Variants in PDILT observed in about 807,000 individuals in gnomAD.
PDILT encodes protein disulfide-isomerase-like protein of the testis.
In PDILT, 43 loss-of-function variants were observed where a neutral mutation model predicts 53.7. That is an observed-to-expected ratio of 0.80 (90% CI 0.63 to 1.03). PDILT has a LOEUF of 1.03. Among genes scored for constraint, PDILT ranks in the 50% least tolerant of loss-of-function variants. The pLI, the probability that PDILT is intolerant of heterozygous loss-of-function variation, is 0.00. For synonymous variants in PDILT, 282 were observed against 274.2 expected (o/e 1.03, Z -0.28); for missense variants, 727 against 712.3 (o/e 1.02, Z -0.24).
rs772970812 is a variant in PDILT, at chr16:20,361,190, C to CTT, written c.1417-535_1417-534dup. ...TCCATTATCACAAGTTCCCTTTCCTCTTTTTTTTTTTTTTTATATGGAATC... is the reference window on the plus strand; with the variant it reads ...TCCATTATCACAAGTTCCCTTTCCTCTTTTTTTTTTTTTTTTTATATGGAATC... On this transcript the variant is annotated intron_variant, in intron 10 of 11. Coordinates refer to ENST00000302451, the MANE Select transcript of PDILT (RefSeq NM_174924.2). 2.3e-3 allele frequency among the ~76,000 whole-genome samples: 176 copies of CTT among 76,780 alleles called. 4 individuals carry two copies. In the East Asian group the frequency reaches 0.025, roughly 11 times the overall value. 50.4% of individuals were successfully genotyped at this position (76,780 alleles called of 152,430 possible).
chr16:20,378,376 A>C (rs1966416241), intron 3 of PDILT, among the ~76,000 whole-genome samples: 1 of 151,838 alleles, frequency 6.6e-6, no homozygotes, highest in Non-Finnish European at 1.5e-5. Context: ...CCACCACTCT[A>C]ACTACTTCTT....
rs767267331 is a variant in PDILT at position 20,365,439 on chromosome 16, C to A, written c.1218G>T (p.Lys406Asn). 1.2e-6 allele frequency: 2 copies of A among 1,613,948 alleles called. No individual in the cohort carries two copies. The highest frequency in any genetic ancestry group is 2.2e-5 in the East Asian group (1 of 44,874). ...NFNVVVFDKE[K>N]DVFVMFYAPW... ...ACTTACAGAACATCACAAATACGTC[C>A]TTTTCTTTGTCAAAGACGACTACGT... The change falls in exon 9 of 12, where the codon AAG becomes AAT. Residue 406 changes from lysine to asparagine, a missense_variant. Lys to Asn is a moderately conservative substitution (Grantham distance 94). Coordinates refer to ENST00000302451, the MANE Select transcript of PDILT (RefSeq NM_174924.2).
chr16:20,376,292 CCTT>C (rs1966388738), intron 3 of PDILT, 91 bp from the exon 4 acceptor site: 11 of 1,488,874 alleles, frequency 7.4e-6, no homozygotes, highest in Non-Finnish European at 8.2e-6. Context: ...ATGCATAGAA[CCTT>C]CTTGTCTCAG....
intron 1 of PDILT, 45 bp from the exon 2 acceptor site, chr16:20,399,352 G>C (rs1324296242): frequency 6.3e-7 from 1 of 1,588,050 alleles, no homozygotes; most frequent in South Asian, 1.1e-5. Context: ...AACACAGGTG[G>C]TGGAGCCCCA....
rs192834336 is a variant in PDILT at position 20,362,413 on chromosome 16, G to A, written c.1407C>T (p.Gly469=). 6.2e-7 allele frequency: 1 copy of A among 1,614,142 alleles called. No individual in the cohort carries two copies. Among genetic ancestry groups the A allele is most frequent in the Non-Finnish European group, 8.5e-7 (1 of 1,179,994 alleles). The change falls in exon 10 of 12, where the codon GGC becomes GGT. Residue 469 remains glycine, a synonymous_variant. Coordinates refer to ENST00000302451, the MANE Select transcript of PDILT (RefSeq NM_174924.2). ...CCCAAGAGCCCCTCACTTGTTGAGAGCCGCTGGGGAACAGCCTGAAGAATG... is the reference window on the plus strand; with the variant it reads ...CCCAAGAGCCCCTCACTTGTTGAGAACCGCTGGGGAACAGCCTGAAGAATG... ...RYPFFRLFPS[G]SQQAVLYKGE... is the part of the protein sequence containing the mutation.
intron 5 of PDILT, among the ~76,000 whole-genome samples, chr16:20,373,413 T>C (rs1204689328): frequency 6.6e-6 from 1 of 152,154 alleles, no homozygotes; most frequent in Non-Finnish European, 1.5e-5. Flanking sequence ...CCATCAAATA[T>C]TAAAATATCT....
At chr16:20,377,985 G>T (rs943301480) in intron 3 of PDILT, among the ~76,000 whole-genome samples, 1 of 151,728 alleles carries the variant, frequency 6.6e-6, no homozygotes, top group African/African-American at 2.4e-5. Flanking sequence ...AGAAAGAAAA[G>T]AATGCTCTGG....
At chr16:20,365,606 C>T (rs937014930) in intron 8 of PDILT, 66 bp from the exon 9 acceptor site, 29 of 1,562,146 alleles carry the variant, frequency 1.9e-5, no homozygotes, top group African/African-American at 4.1e-5. Context: ...GGGCTCCCCA[C>T]CTTGATTGGA....
intron 2 of PDILT, among the ~76,000 whole-genome samples, chr16:20,391,333 T>A (rs969184036): frequency 2.3e-4 from 35 of 150,996 alleles, no homozygotes; most frequent in African/African-American, 8.3e-4. Flanking sequence ...TAATAATCAT[T>A]ACCATCACCA....
intron 4 of PDILT, among the ~76,000 whole-genome samples, chr16:20,375,402 G>A (rs1361519077): frequency 1.3e-5 from 2 of 152,182 alleles, no homozygotes; most frequent in African/African-American, 4.8e-5. Flanking sequence ...AGGGAGAGAG[G>A]CAGATAGTCT....
intron 3 of PDILT, among the ~76,000 whole-genome samples, chr16:20,380,568 C>T (rs1379577026): frequency 6.6e-6 from 1 of 152,188 alleles, no homozygotes; most frequent in Non-Finnish European, 1.5e-5. Context: ...GAACTCCTGA[C>T]TTCGTGATCC....
intron 2 of PDILT, among the ~76,000 whole-genome samples, chr16:20,390,098 A>T (rs919137919): frequency 6.6e-6 from 1 of 152,148 alleles, no homozygotes; most frequent in African/African-American, 2.4e-5. Flanking sequence ...GCATGAAAAA[A>T]ATATTCTGAG....
At chr16:20,401,536 C>T (rs181959826) in intron 1 of PDILT, among the ~76,000 whole-genome samples, 103 of 152,296 alleles carry the variant, frequency 6.8e-4, no homozygotes, top group African/African-American at 2.3e-3. Flanking sequence ...CAAACCTCCT[C>T]GGTGCCCAGA....
intron 2 of PDILT, among the ~76,000 whole-genome samples, chr16:20,397,781 C>T (rs1268610378): frequency 6.6e-6 from 1 of 152,158 alleles, no homozygotes; most frequent in African/African-American, 2.4e-5. Context: ...ACCCTGCCTC[C>T]CCTGCCCTGC....
intron 8 of PDILT, 37 bp downstream of exon 8, chr16:20,369,455 G>A: frequency 6.4e-7 from 1 of 1,573,550 alleles, no homozygotes; most frequent in Non-Finnish European, 8.7e-7. Context: ...AGATGATTTT[G>A]AGGTTCTGGA....
chr16:20,375,109 A>G, intron 4 of PDILT, 150 bp from the exon 5 acceptor site: 1 of 854,588 alleles, frequency 1.2e-6, no homozygotes, highest in South Asian at 2.0e-5. Flanking sequence ...TTTCATGAGT[A>G]TTTCATACTC....
chr16:20,402,946 G>C (rs775962314), intron 1 of PDILT, among the ~76,000 whole-genome samples: 1 of 152,108 alleles, frequency 6.6e-6, no homozygotes, highest in Non-Finnish European at 1.5e-5. Context: ...CTGTGGCTCC[G>C]CTGTGTCCCC....
Position 20,384,514 on chromosome 16 carries a change from G to A in PDILT, c.409+131C>T. ...GGTGGCTCCAAGGCCCTAGAGAAGG[G>A]CAGAGTCACAAGCTGGAGGATCCTG... On this transcript the variant is annotated intron_variant, in intron 3 of 11. Coordinates refer to ENST00000302451, the MANE Select transcript of PDILT (RefSeq NM_174924.2). The A allele has an allele frequency of 2.7e-6, 3 of 1,099,094 alleles. No homozygotes were observed. The South Asian group carries it at 4.3e-5, about 16-fold the overall frequency. 68.1% of individuals were successfully genotyped at this position (1,099,094 alleles called of 1,614,324 possible).
intron 8 of PDILT, among the ~76,000 whole-genome samples, chr16:20,367,097 TTC>T (rs1966223781): frequency 8.7e-6 from 1 of 115,070 alleles, no homozygotes. Flanking sequence ...CTTTCTTTCT[TTC>T]TTTCTTCCTT....
Sources: allele counts gnomAD v4.1 joint callset (sites outside exome capture counted in the v4.1 genomes callset), GRCh38; gene constraint gnomAD v4.1.1; transcripts MANE v1.5; gene names NCBI Gene and HGNC (gene_info 2026-07-23, HGNC 2026-07-21).